The following CFAP47 variants were observed in gnomAD, a reference collection of about 807,000 sequenced individuals.
CFAP47 encodes cilia- and flagella-associated protein 47.
A neutral mutation model predicts 148.1 loss-of-function variants in CFAP47; 29 were observed. That is an observed-to-expected ratio of 0.20 (90% confidence interval 0.15 to 0.27). The LOEUF is 0.27. Ranked by LOEUF, CFAP47 falls within the 10% of genes least tolerant of loss-of-function variation. CFAP47 has a pLI of 1.00. For missense variants in CFAP47, 1,872 were observed against 1,697.5 expected (o/e 1.10, Z -1.81); for synonymous variants, 664 against 577.3 (o/e 1.15, Z -2.15).
chrX:36,123,654 G>T (rs1010675218), intron 33 of CFAP47, among the ~76,000 whole-genome samples: 1 of 110,515 alleles, frequency 9.0e-6, no homozygotes, highest in East Asian at 2.9e-4. Flanking sequence ...AGTAACTTCT[G>T]CATGGACTGG....
At chrX:35,934,807 T>G (rs892542413) in intron 2 of CFAP47, among the ~76,000 whole-genome samples, 7 of 111,061 alleles carry the variant, frequency 6.3e-5, no homozygotes, top group Middle Eastern at 4.6e-3. Context: ...ATCCTTCCCT[T>G]CAAGGCAATA....
At chrX:36,356,285 C>G (rs371948359) in intron 60 of CFAP47, among the ~76,000 whole-genome samples, 2 of 111,569 alleles carry the variant, frequency 1.8e-5, no homozygotes, top group African/African-American at 6.5e-5. Context: ...TTTCTCTGCT[C>G]TCTGCTCAAT....
intron 13 of CFAP47, 40 bp from the exon 14 acceptor site, chrX:35,975,107 C>T: frequency 5.1e-6 from 4 of 780,625 alleles, no homozygotes; most frequent in Non-Finnish European, 7.1e-6. Context: ...AGTCATTTGC[C>T]ATCTTTAAAC....
chrX:36,075,602 T>C (rs1937838643), intron 29 of CFAP47, among the ~76,000 whole-genome samples: 1 of 111,750 alleles, frequency 8.9e-6, no homozygotes, highest in Admixed American at 9.5e-5. Flanking sequence ...ATATATTGTG[T>C]GATGCTGAGG....
intron 49 of CFAP47, among the ~76,000 whole-genome samples, chrX:36,273,233 C>T (rs1391324071): frequency 9.0e-6 from 1 of 111,443 alleles, no homozygotes; most frequent in East Asian, 2.8e-4. Context: ...ATAATATATA[C>T]TTGGAAAAAA....
intron 46 of CFAP47, among the ~76,000 whole-genome samples, chrX:36,233,736 T>G (rs1313821659): frequency 9.9e-5 from 11 of 111,586 alleles, no homozygotes; most frequent in African/African-American, 3.6e-4. Context: ...TTGGCATGAT[T>G]TTGCAGTGGC....
At chrX:36,275,248 A>G (rs1556002484) in intron 49 of CFAP47, among the ~76,000 whole-genome samples, 1 of 108,170 alleles carries the variant, frequency 9.2e-6, no homozygotes, top group African/African-American at 3.4e-5. Flanking sequence ...TAATTTTTGT[A>G]TTTTTTGTAG....
chrX:36,169,421 A>T (rs1444568088), intron 39 of CFAP47, among the ~76,000 whole-genome samples: 1 of 109,094 alleles, frequency 9.2e-6, no homozygotes, highest in Non-Finnish European at 1.9e-5. Context: ...TTGGTGTCCC[A>T]CAGGCATCTG....
rs782317444 is a variant in CFAP47, at chrX:36,245,329, T to G, written c.7333-6004T>G. Among the ~76,000 whole-genome samples, 229 of 111,492 alleles carry G rather than the reference T, an allele frequency of 2.1e-3. 2 individuals are homozygous for G. Among genetic ancestry groups the G allele is most frequent in the African/African-American group, 7.3e-3 (225 of 30,716 alleles). On this transcript the variant is annotated intron_variant, in intron 48 of 63. Transcript: ENST00000378653. Reference sequence around the variant, plus strand: ...TCCTGTTTAACATAGTAGTGGAAGATCTAAACAGAGCTATCAGGCAAAAGA... The same window carrying G: ...TCCTGTTTAACATAGTAGTGGAAGAGCTAAACAGAGCTATCAGGCAAAAGA...
chrX:35,960,160 G>A (rs1038291151), intron 8 of CFAP47, among the ~76,000 whole-genome samples: 10 of 105,220 alleles, frequency 9.5e-5, no homozygotes, highest in Non-Finnish European at 1.7e-4. Flanking sequence ...GGCTGGTCTC[G>A]AGCTGCTGAT....
chrX:36,097,858 A>G (rs1938304942), intron 30 of CFAP47, among the ~76,000 whole-genome samples: 1 of 111,218 alleles, frequency 9.0e-6, no homozygotes, highest in African/African-American at 3.3e-5. Flanking sequence ...ATATTTCTCT[A>G]GGTTTGGGAA....
chrX:36,353,911 G>T (rs1941763898), intron 60 of CFAP47, among the ~76,000 whole-genome samples: 2 of 111,590 alleles, frequency 1.8e-5, no homozygotes, highest in African/African-American at 3.3e-5. Flanking sequence ...TGTAGATTGT[G>T]ATTCCATCAA....
intron 7 of CFAP47, among the ~76,000 whole-genome samples, chrX:35,954,504 T>C (rs950347747): frequency 1.6e-4 from 18 of 111,611 alleles, no homozygotes; most frequent in African/African-American, 5.5e-4. Context: ...TTTTGTGATA[T>C]TGAGCTACGT....
intron 35 of CFAP47, chrX:36,144,475 C>G: frequency 1.1e-6 from 1 of 874,018 alleles, no homozygotes; most frequent in South Asian, 2.7e-5. Flanking sequence ...ATATTTTTAT[C>G]TATTATCTTA....
intron 57 of CFAP47, among the ~76,000 whole-genome samples, chrX:36,341,364 G>T (rs1165328901): frequency 1.8e-5 from 2 of 111,226 alleles, no homozygotes; most frequent in Non-Finnish European, 3.8e-5. Flanking sequence ...GTGTCTCTTG[G>T]ATTATCTGAC....
intron 62 of CFAP47, among the ~76,000 whole-genome samples, chrX:36,377,082 A>G (rs1556023104): frequency 2.7e-5 from 3 of 111,343 alleles, no homozygotes; most frequent in African/African-American, 9.8e-5. Flanking sequence ...CGCAATAAAC[A>G]TAAGTGTGCA....
intron 39 of CFAP47, among the ~76,000 whole-genome samples, chrX:36,164,781 G>A (rs1431068778): frequency 9.0e-6 from 1 of 111,342 alleles, no homozygotes; most frequent in Admixed American, 9.6e-5. Flanking sequence ...TTTCTGGTTT[G>A]TTTGTTTGTT....
intron 63 of CFAP47, among the ~76,000 whole-genome samples, chrX:36,381,848 A>C (rs1212788575): frequency 9.1e-6 from 1 of 110,060 alleles, no homozygotes; most frequent in Admixed American, 9.9e-5. Context: ...GTAATATATA[A>C]TACATAAGAT....
At chrX:36,371,696 ACACATGTGTATATATGTGTGTATATAC>A (rs1941946306) in intron 62 of CFAP47, among the ~76,000 whole-genome samples, 1 of 65,950 alleles carries the variant, frequency 1.5e-5, no homozygotes. Flanking sequence ...GTGTATATAC[ACACATGTGTATATATGTGTGTATATAC>A]ACACATGTGT....
Sources: gnomAD v4.1 joint callset for allele counts (sites outside exome capture counted in the v4.1 genomes callset) on GRCh38, gnomAD v4.1.1 for gene constraint, MANE v1.5 for transcripts, NCBI Gene and HGNC (gene_info 2026-07-23, HGNC 2026-07-21) for gene names.